COMMD10: variants seen among roughly 807,000 people sequenced by gnomAD.
COMMD10 encodes COMM domain-containing protein 10.
A neutral mutation model predicts 28.9 loss-of-function variants in COMMD10; 33 were observed. That is an observed-to-expected ratio of 1.14 (90% confidence interval 0.87 to 1.53). The LOEUF (loss-of-function observed/expected upper bound fraction) is 1.53. COMMD10 is among the 40% of genes most tolerant of loss of function. The pLI is 0.00. For synonymous variants in COMMD10, 110 were observed against 81.7 expected (o/e 1.35, Z -1.87); for missense variants, 310 against 233.4 (o/e 1.33, Z -2.14).
chr5:116,232,227 AC>A (rs1459283642), intron 5 of COMMD10, among the ~76,000 whole-genome samples: 1 of 152,076 alleles, frequency 6.6e-6, no homozygotes, highest in Non-Finnish European at 1.5e-5. Context: ...TCTGTAACTT[AC>A]CCATTGGCTT....
chr5:116,141,357 G>A (rs1382838108), intron 5 of COMMD10, among the ~76,000 whole-genome samples: 3 of 151,716 alleles, frequency 2.0e-5, no homozygotes, highest in Non-Finnish European at 4.4e-5. Context: ...ATTAGGAAGT[G>A]TGATACATCT....
chr5:116,093,632 C>T (rs1390329174), intron 4 of COMMD10, among the ~76,000 whole-genome samples: 4 of 152,108 alleles, frequency 2.6e-5, no homozygotes, highest in East Asian at 1.9e-4. Context: ...AGCTGGAGCA[C>T]GGCTCCATTT....
intron 5 of COMMD10, among the ~76,000 whole-genome samples, chr5:116,158,013 C>G (rs1027867490): frequency 1.2e-3 from 184 of 150,708 alleles, no homozygotes; most frequent in Non-Finnish European, 6.9e-4. Context: ...CCTCCAAAGT[C>G]TGTGTTACCT....
At chr5:116,251,753 T>TA (rs1750125627) in intron 5 of COMMD10, among the ~76,000 whole-genome samples, 1 of 151,990 alleles carries the variant, frequency 6.6e-6, no homozygotes, top group Admixed American at 6.6e-5. Flanking sequence ...ACAATAAACA[T>TA]ACGTGTGCAT....
At chr5:116,126,216 A>G (rs1228842816) in intron 4 of COMMD10, among the ~76,000 whole-genome samples, 1 of 152,146 alleles carries the variant, frequency 6.6e-6, no homozygotes, top group Non-Finnish European at 1.5e-5. Flanking sequence ...CCAGCTTACA[A>G]GGGATGTGAA....
chr5:116,176,023 TTTATG>T (rs1561649398), intron 5 of COMMD10, among the ~76,000 whole-genome samples: 2 of 150,772 alleles, frequency 1.3e-5, no homozygotes, highest in Admixed American at 6.6e-5. Context: ...TTTGGCAAAT[TTTATG>T]TTATGTATAT....
chr5:116,130,602 G>T (rs1282185639), intron 4 of COMMD10, among the ~76,000 whole-genome samples: 1 of 151,962 alleles, frequency 6.6e-6, no homozygotes, highest in Non-Finnish European at 1.5e-5. Context: ...TAGTGAATGT[G>T]TATGCGTTTT....
intron 5 of COMMD10, among the ~76,000 whole-genome samples, chr5:116,227,397 ATTC>A (rs1157334937): frequency 9.9e-5 from 15 of 152,012 alleles, no homozygotes; most frequent in Non-Finnish European, 2.2e-4. Flanking sequence ...CATTTTAGAT[ATTC>A]TTCTGATTTC....
intron 4 of COMMD10, among the ~76,000 whole-genome samples, chr5:116,098,304 G>A (rs1486980533): frequency 6.6e-6 from 1 of 152,110 alleles, no homozygotes; most frequent in Non-Finnish European, 1.5e-5. Context: ...GATGAAAAAA[G>A]GTGTACATGC....
intron 5 of COMMD10, among the ~76,000 whole-genome samples, chr5:116,247,485 A>C (rs1275278400): frequency 6.6e-6 from 1 of 152,106 alleles, no homozygotes; most frequent in Non-Finnish European, 1.5e-5. Flanking sequence ...CCAAAGGAAT[A>C]TATTAATAAA....
chr5:116,276,184 A>G (rs1033751264), intron 5 of COMMD10, among the ~76,000 whole-genome samples: 1 of 151,692 alleles, frequency 6.6e-6, no homozygotes, highest in Non-Finnish European at 1.5e-5. Flanking sequence ...ATTGCCAGAA[A>G]GAAAAATAAA....
chr5:116,181,935 T>A (rs1747980442), intron 5 of COMMD10, among the ~76,000 whole-genome samples: 4 of 152,110 alleles, frequency 2.6e-5, no homozygotes, highest in Admixed American at 2.6e-4. Context: ...AGGATAGACA[T>A]AGCTCCTGCC....
chr5:116,117,519 A>G (rs2112746109), intron 4 of COMMD10, among the ~76,000 whole-genome samples: 1 of 152,174 alleles, frequency 6.6e-6, no homozygotes, highest in South Asian at 2.1e-4. Flanking sequence ...TGGAGTGTGC[A>G]GTGGCACGAT....
chr5:116,149,125 G>A lies in COMMD10; in HGVS notation c.510+14947G>A, dbSNP rs200169744. Among the ~76,000 whole-genome samples the A allele has an allele frequency of 8.4e-4, 125 of 149,372 alleles. 2 individuals are homozygous for A. The East Asian group carries it at 0.015, about 17-fold the overall frequency. On this transcript the variant is annotated intron_variant, in intron 5 of 6. Coordinates refer to ENST00000274458, the MANE Select transcript of COMMD10 (RefSeq NM_016144.4). ...GCGGTGTTTGGTTTTTTGTTCTTGC[G>A]ATAGTTTACTGAGAATGATGATATC...
chr5:116,112,709 T>A (rs79922768), intron 4 of COMMD10, among the ~76,000 whole-genome samples: 4,363 of 152,288 alleles, frequency 0.029, 104 homozygotes, highest in East Asian at 0.14. Flanking sequence ...GTTGATTTTT[T>A]TTATTCATTT....
chr5:116,093,379 G>A lies in COMMD10; in HGVS notation c.399+679G>A, dbSNP rs542368542. 5.9e-5 allele frequency among the ~76,000 whole-genome samples: 9 copies of A among 152,278 alleles called. No homozygotes were observed. The South Asian group carries it at 1.5e-3, about 25-fold the overall frequency. ...AAACACCTGAGGAGAGGGAGGAGAG[G>A]TGGACAGCCTTGCTGGGATCAACCA... On this transcript the variant is annotated intron_variant, in intron 4 of 6. Transcript: ENST00000274458.
chr5:116,144,029 A>T (rs1752270246), intron 5 of COMMD10, among the ~76,000 whole-genome samples: 1 of 151,850 alleles, frequency 6.6e-6, no homozygotes, highest in South Asian at 2.1e-4. Flanking sequence ...GAAAGACGAC[A>T]GGTTTATTTT....
rs138923789 is a variant in COMMD10 at position 116,272,102 on chromosome 5, A to C, written c.511-19415A>C. 6.6e-5 allele frequency among the ~76,000 whole-genome samples: 10 copies of C among 152,006 alleles called. No homozygotes were observed. The East Asian group carries it at 1.9e-3, about 29-fold the overall frequency. On this transcript the variant is annotated intron_variant, in intron 5 of 6. Transcript: ENST00000274458. The stretch of plus-strand genomic sequence containing the variant: ...TAAAAGATGCAAATTTTATTTCTCA[A>C]CATAGGCTCCATTAAGGTCGAGACA...
chr5:116,101,941 T>G (rs143022466), intron 4 of COMMD10, among the ~76,000 whole-genome samples: 8 of 152,362 alleles, frequency 5.3e-5, no homozygotes, highest in African/African-American at 1.9e-4. Context: ...TTTGGGTTTT[T>G]TGTACATTCT....
Sources: allele counts gnomAD v4.1 joint callset (sites outside exome capture counted in the v4.1 genomes callset), GRCh38; gene constraint gnomAD v4.1.1; transcripts MANE v1.5; gene names NCBI Gene and HGNC (gene_info 2026-07-23, HGNC 2026-07-21).